Variants in RBKS observed in about 807,000 individuals in gnomAD.
RBKS encodes the protein ribokinase.
A neutral mutation model predicts 33.9 loss-of-function variants in RBKS; 33 were observed. The observed-to-expected ratio is 0.97, with a 90% CI of 0.74 to 1.30. RBKS has a LOEUF of 1.30. Ranked by LOEUF, RBKS falls within the 50% of genes most tolerant of loss-of-function variation. The pLI is 0.00. For synonymous variants in RBKS, 125 were observed against 143.0 expected (o/e 0.87, Z 0.90); for missense variants, 361 against 392.6 (o/e 0.92, Z 0.68).
chr2:27,889,781 T>A (rs1294460990), intron 1 of RBKS, among the ~76,000 whole-genome samples: 3 of 152,232 alleles, frequency 2.0e-5, no homozygotes, highest in Non-Finnish European at 4.4e-5. Flanking sequence ...CAACTCATTA[T>A]TTTATACAAT....
Position 27,858,476 on chromosome 2 carries a change from G to C in RBKS, c.185C>G (p.Ala62Gly). 2 of 1,614,112 alleles carry C rather than the reference G, an allele frequency of 1.2e-6. No homozygotes were observed. Among genetic ancestry groups the C allele is most frequent in the Non-Finnish European group, 1.7e-6 (2 of 1,179,986 alleles). The change falls in exon 2 of 8, where the codon GCT becomes GGT. Residue 62 changes from alanine to glycine, a missense_variant. Coordinates refer to ENST00000302188, the MANE Select transcript of RBKS (RefSeq NM_022128.3). ...GGKGANQCVQ[A>G]ARLGAMTSMV... is the part of the protein sequence containing the mutation. ...GGACGTCATTGCTCCAAGCCGAGCA[G>C]CTTGGACACACTGGTTGGCACCTTT...
At chr2:27,827,499 A>G (rs1678334313) in intron 7 of RBKS, 68 bp downstream of exon 7, 1 of 1,367,122 alleles carries the variant, frequency 7.3e-7, no homozygotes, top group Non-Finnish European at 9.8e-7. Context: ...ATTCAGGTAC[A>G]GCATCTAATT....
chr2:27,799,261 A>G, intron 7 of RBKS, among the ~76,000 whole-genome samples: 1 of 152,236 alleles, frequency 6.6e-6, no homozygotes, highest in East Asian at 1.9e-4. Flanking sequence ...GAAAGTCTCC[A>G]AGGTAAGATC....
chr2:27,836,716 T>C (rs530659316), intron 5 of RBKS, among the ~76,000 whole-genome samples: 9 of 152,134 alleles, frequency 5.9e-5, no homozygotes, highest in Admixed American at 2.6e-4. Flanking sequence ...AGAAAACCTA[T>C]AGAATGGGAG....
intron 7 of RBKS, among the ~76,000 whole-genome samples, chr2:27,784,886 A>G (rs1487705774): frequency 6.6e-6 from 1 of 152,226 alleles, no homozygotes; most frequent in African/African-American, 2.4e-5. Flanking sequence ...AGAAAGAGAC[A>G]GACATGGTTC....
At chr2:27,818,720 G>GC in intron 7 of RBKS, among the ~76,000 whole-genome samples, 1 of 152,182 alleles carries the variant, frequency 6.6e-6, no homozygotes, top group Non-Finnish European at 1.5e-5. Flanking sequence ...GAATCCTCAT[G>GC]CCCCCAAAGA....
At chr2:27,853,149 C>G (rs575325736) in intron 2 of RBKS, among the ~76,000 whole-genome samples, 39 of 151,736 alleles carry the variant, frequency 2.6e-4, no homozygotes, top group African/African-American at 9.2e-4. Flanking sequence ...TAAGACTGCT[C>G]GAGGACAGGA....
chr2:27,858,453 A>C lies in RBKS; in HGVS notation c.208T>G (p.Ser70Ala), dbSNP rs1453269679. 1 of 1,613,658 alleles carries C rather than the reference A, an allele frequency of 6.2e-7. No homozygotes were observed. ...TTTGTACTTACCTTACACACCATGG[A>C]CGTCATTGCTCCAAGCCGAGCAGCT... ...VQAARLGAMTSMVCKVGKDSF... is the reference protein window; with the variant it reads ...VQAARLGAMTAMVCKVGKDSF... The change falls in exon 2 of 8, where the codon TCC (serine) becomes GCC (alanine). Residue 70 changes from serine (S) to alanine (A), a missense_variant. By Grantham distance (99) the Ser-to-Ala change is moderately conservative. Transcript: ENST00000302188.
intron 7 of RBKS, among the ~76,000 whole-genome samples, chr2:27,803,469 G>A (rs1050420681): frequency 6.6e-6 from 1 of 151,640 alleles, no homozygotes; most frequent in East Asian, 2.0e-4. Flanking sequence ...AGGCTGAGGC[G>A]GAAGGATCAG....
rs758096691 is a variant in RBKS, at chr2:27,835,334, T to C, written c.515-2557A>G. 1.6e-3 allele frequency among the ~76,000 whole-genome samples: 244 copies of C among 151,658 alleles called. 6 individuals carry two copies. Among genetic ancestry groups the C allele is most frequent in the Non-Finnish European group, 4.0e-4 (27 of 67,932 alleles). ...CACGTCTGATGTAGATCACTACAGCTGTTAAAAAGAGTAAAGTAGATCTCC... is the reference window on the plus strand; with the variant it reads ...CACGTCTGATGTAGATCACTACAGCCGTTAAAAAGAGTAAAGTAGATCTCC... On this transcript the variant is annotated intron_variant, in intron 5 of 7. Coordinates refer to ENST00000302188, the MANE Select transcript of RBKS (RefSeq NM_022128.3).
At chr2:27,852,996 TAAG>T (rs762811516) in intron 2 of RBKS, among the ~76,000 whole-genome samples, 1 of 152,126 alleles carries the variant, frequency 6.6e-6, no homozygotes, top group Non-Finnish European at 1.5e-5. Flanking sequence ...ACAAAATACA[TAAG>T]AAGAATATAT....
chr2:27,846,934 TG>T lies in RBKS; in HGVS notation c.349+107del, dbSNP rs1663632919. ...AACTATGTTTTAGGCCTTGGAGTGA[TG>T]GGTATAGTAAGAGGTCCATAGGATT... On this transcript the variant is annotated intron_variant, in intron 4 of 7. Transcript: ENST00000302188. 1.0e-5 allele frequency: 7 copies of T among 681,136 alleles called. No homozygotes were observed. In the East Asian group the frequency reaches 1.7e-4, roughly 17 times the overall value. The allele number at this position is 681,136 out of a possible 1,614,324, so 42.2% of individuals were successfully genotyped here.
At chr2:27,874,515 G>A (rs918266656) in intron 1 of RBKS, among the ~76,000 whole-genome samples, 1 of 152,316 alleles carries the variant, frequency 6.6e-6, no homozygotes, top group Middle Eastern at 3.4e-3. Flanking sequence ...GTCGTCAAGA[G>A]TGAAGACTCT....
intron 1 of RBKS, chr2:27,870,225 T>C (rs1293440073): frequency 6.5e-6 from 1 of 152,786 alleles, no homozygotes; most frequent in Non-Finnish European, 1.5e-5. Flanking sequence ...GAAATCCCCA[T>C]GTTCACTTGT....
At chr2:27,871,316 G>A (rs2148226451) in intron 1 of RBKS, among the ~76,000 whole-genome samples, 1 of 152,318 alleles carries the variant, frequency 6.6e-6, no homozygotes, top group African/African-American at 2.4e-5. Flanking sequence ...TTAATGCGAG[G>A]TGCTTGGTCT....
Position 27,847,078 on chromosome 2 carries a change from C to T in RBKS, c.313G>A (p.Ala105Thr). 1 of 1,606,010 alleles carries T rather than the reference C, an allele frequency of 6.2e-7. No individual in the cohort carries two copies. The highest frequency in any genetic ancestry group is 8.5e-7 in the Non-Finnish European group (1 of 1,173,196). The part of the protein sequence containing the change: ...TEFTYQTKDA[A>T]TGTASIIVNN... ...ACAATTATAGAAGCAGTTCCTGTAGCAGCATCTTTAGTCTGATATGTAAAT... is the reference window on the plus strand; with the variant it reads ...ACAATTATAGAAGCAGTTCCTGTAGTAGCATCTTTAGTCTGATATGTAAAT... The change falls in exon 4 of 8, where the codon GCT becomes ACT. Residue 105 changes from alanine (A) to threonine (T), a missense_variant. Ala to Thr is a moderately conservative substitution (Grantham distance 58). Transcript: ENST00000302188.
intron 2 of RBKS, among the ~76,000 whole-genome samples, chr2:27,852,200 G>A (rs1422218970): frequency 1.3e-5 from 2 of 152,160 alleles, no homozygotes; most frequent in South Asian, 2.1e-4. Context: ...ATGATGAAAT[G>A]TTCTATATCT....
intron 1 of RBKS, among the ~76,000 whole-genome samples, chr2:27,864,052 G>T (rs1475236545): frequency 6.6e-6 from 1 of 151,710 alleles, no homozygotes; most frequent in Non-Finnish European, 1.5e-5. Flanking sequence ...TAAGAGACAG[G>T]GTCTTGCTCT....
intron 1 of RBKS, among the ~76,000 whole-genome samples, chr2:27,878,334 T>C (rs995958668): frequency 2.6e-4 from 39 of 151,892 alleles, no homozygotes; most frequent in African/African-American, 9.4e-4. Flanking sequence ...TCCAATTTCA[T>C]CCATGTCCCT....
Sources: gnomAD v4.1 joint callset for allele counts (sites outside exome capture counted in the v4.1 genomes callset) on GRCh38, gnomAD v4.1.1 for gene constraint, MANE v1.5 for transcripts, NCBI Gene and HGNC (gene_info 2026-07-23, HGNC 2026-07-21) for gene names.